PGM3: variants seen among roughly 807,000 people sequenced by gnomAD.
PGM3 encodes the protein phosphoglucomutase 3, also known as phosphoacetylglucosamine mutase.
In PGM3, 40 loss-of-function variants were observed where a neutral mutation model predicts 66.2. The observed-to-expected ratio is 0.60, with a 90% CI of 0.47 to 0.79. The LOEUF is 0.79. PGM3 is among the 30% of genes least tolerant of loss of function. The pLI, the probability that PGM3 is intolerant of heterozygous loss-of-function variation, is 0.00. For missense variants in PGM3, 537 were observed against 643.4 expected, an observed-to-expected ratio of 0.83 and a Z score of 1.79; for synonymous variants, 191 against 224.2, an observed-to-expected ratio of 0.85 and a Z score of 1.32.
the PGM3 span, among the ~76,000 whole-genome samples, chr6:83,152,538 A>C: frequency 6.6e-6 from 1 of 151,798 alleles, no homozygotes; most frequent in African/African-American, 2.4e-5. Flanking sequence ...TGGATTATTT[A>C]GTTTGCCAAA....
chr6:83,169,396 T>C, intron 12 of PGM3, 73 bp from the exon 13 acceptor site: 1 of 1,560,618 alleles, frequency 6.4e-7, no homozygotes, highest in Non-Finnish European at 8.7e-7. Flanking sequence ...ACCATGTTAC[T>C]TGGAACTCTG....
chr6:83,154,284 G>GTAA, the PGM3 span: 2 of 1,551,122 alleles, frequency 1.3e-6, no homozygotes, highest in Non-Finnish European at 1.8e-6. Flanking sequence ...TCCTGTACAT[G>GTAA]GTTCCTTCTT....
At chr6:83,188,150 G>C (rs921257338) in intron 3 of PGM3, among the ~76,000 whole-genome samples, 1 of 152,112 alleles carries the variant, frequency 6.6e-6, no homozygotes, top group African/African-American at 2.4e-5. Flanking sequence ...AAAGGCAAAA[G>C]CTGCAAAACA....
downstream of PGM3, chr6:83,158,467 C>A: frequency 1.1e-6 from 1 of 926,232 alleles, no homozygotes; most frequent in Non-Finnish European, 1.7e-6. Flanking sequence ...AAAATGTATT[C>A]TAAAATTTGT....
At chr6:83,185,366 G>A (rs2128501900) in intron 4 of PGM3, among the ~76,000 whole-genome samples, 1 of 152,356 alleles carries the variant, frequency 6.6e-6, no homozygotes, top group East Asian at 1.9e-4. Flanking sequence ...GACATGTCAT[G>A]ACACATAATG....
Position 83,166,067 on chromosome 6 carries a change from C to A in PGM3, c.*3167G>T. ...TTGTCGTATAAAATCCACCTTTTGG[C>A]ACACATCACAATCCGATAGAGAAAT... On this transcript the variant is annotated 3_prime_UTR_variant, in exon 13 of 13. Coordinates refer to ENST00000513973, the MANE Select transcript of PGM3 (RefSeq NM_015599.3). 3.2e-6 allele frequency: 1 copy of A among 311,838 alleles called. No homozygotes were observed. The highest frequency in any genetic ancestry group is 5.9e-6 in the Non-Finnish European group (1 of 168,804). The allele number at this position is 311,838 out of a possible 1,614,324, so 19.3% of individuals were successfully genotyped here.
rs182002814 is a variant in PGM3 at position 83,176,265 on chromosome 6, C to T, written c.1030-205G>A. On this transcript the variant is annotated intron_variant, in intron 8 of 12. Transcript: ENST00000513973. ...GAAGCACGCAGCCAAGGGTAAAGCACGGTGAGAGAGATGAGGGTCTCCTTA... is the reference window on the plus strand; with the variant it reads ...GAAGCACGCAGCCAAGGGTAAAGCATGGTGAGAGAGATGAGGGTCTCCTTA... The T allele has an allele frequency of 1.5e-4, 70 of 459,900 alleles. No homozygotes were observed. The East Asian group carries it at 1.6e-3, about 10-fold the overall frequency. The allele number at this position is 459,900 out of a possible 1,614,324, so 28.5% of individuals were successfully genotyped here. A position where few individuals can be genotyped will look rare whatever the true frequency, so the allele number is the denominator to read the frequency against.
intron 3 of PGM3, among the ~76,000 whole-genome samples, chr6:83,187,652 A>C (rs2128505113): frequency 6.6e-6 from 1 of 152,236 alleles, no homozygotes; most frequent in East Asian, 1.9e-4. Flanking sequence ...AAAAATACAA[A>C]AATTAGCTGG....
chr6:83,167,995 G>A lies in PGM3; in HGVS notation c.*1239C>T. On this transcript the variant is annotated 3_prime_UTR_variant, in exon 13 of 13. Coordinates refer to ENST00000513973, the MANE Select transcript of PGM3 (RefSeq NM_015599.3). ...AATGTGCTCAGTCAAGTCTTCAACAGCAAAGTCACAAGCCGATGTGGAGGA... is the reference window on the plus strand; with the variant it reads ...AATGTGCTCAGTCAAGTCTTCAACAACAAAGTCACAAGCCGATGTGGAGGA... 1 of 1,614,154 alleles carries A rather than the reference G, an allele frequency of 6.2e-7. No homozygotes were observed. The highest frequency in any genetic ancestry group is 8.5e-7 in the Non-Finnish European group (1 of 1,180,032).
chr6:83,152,223 CACACACACAT>C, the PGM3 span: 1 of 910,682 alleles, frequency 1.1e-6, no homozygotes, highest in Non-Finnish European at 1.7e-6. Flanking sequence ...CACACACACA[CACACACACAT>C]AAAATTTATT....
the PGM3 span, among the ~76,000 whole-genome samples, chr6:83,150,485 T>G: frequency 3.3e-5 from 5 of 152,230 alleles, no homozygotes; most frequent in African/African-American, 1.2e-4. Context: ...AGTTGAAAGT[T>G]GAACATTTTC....
intron 11 of PGM3, chr6:83,170,740 A>ACTAAGTCCC (rs1786910023): frequency 3.1e-6 from 1 of 318,776 alleles, no homozygotes; most frequent in Non-Finnish European, 5.5e-6. Flanking sequence ...ATACGATATG[A>ACTAAGTCCC]CTAAGTCCCA....
chr6:83,191,976 A>C (rs1423796466), intron 1 of PGM3, among the ~76,000 whole-genome samples: 5 of 148,092 alleles, frequency 3.4e-5, no homozygotes, highest in Non-Finnish European at 6.0e-5. Context: ...AAAAAAAAAA[A>C]AAAAAACAGG....
rs1786334146 is a variant in PGM3 at position 83,168,240 on chromosome 6, A to G, written c.*994T>C. 6.7e-7 allele frequency: 1 copy of G among 1,493,454 alleles called. No individual in the cohort carries two copies. The highest frequency in any genetic ancestry group is 2.3e-5 in the Admixed American group (1 of 42,654). The allele number at this position is 1,493,454 out of a possible 1,614,324, so 92.5% of individuals were successfully genotyped here. ...AAACACACACACTGCTCTGCGTTGT[A>G]TAGTTTTTCCTTTTTTGTATGTAAC... On this transcript the variant is annotated 3_prime_UTR_variant, in exon 13 of 13. Coordinates refer to ENST00000513973, the MANE Select transcript of PGM3 (RefSeq NM_015599.3).
At chr6:83,160,673 A>C (rs1187119282), downstream of PGM3, among the ~76,000 whole-genome samples, 1 of 152,210 alleles carries the variant, frequency 6.6e-6, no homozygotes, top group African/African-American at 2.4e-5. Context: ...AAGCATATAT[A>C]AATTTTAAAA....
rs1459162032 is a variant in PGM3 at position 83,165,564 on chromosome 6, C to G, written c.*3670G>C. The G allele has an allele frequency of 5.7e-6, 1 of 175,280 alleles. No individual in the cohort carries two copies. The highest frequency in any genetic ancestry group is 1.2e-5 in the Non-Finnish European group (1 of 81,182). 10.9% of individuals were successfully genotyped at this position (175,280 alleles called of 1,614,324 possible). On this transcript the variant is annotated 3_prime_UTR_variant, in exon 13 of 13. Transcript: ENST00000513973. Reference sequence around the variant, plus strand: ...CCAATGAGAAATAAGTTTGTTTACTCCTGTAGCATAAAAATCCATGCTTCC... The same window carrying G: ...CCAATGAGAAATAAGTTTGTTTACTGCTGTAGCATAAAAATCCATGCTTCC...
chr6:83,191,015 C>G lies in PGM3; in HGVS notation c.-2-1G>C, dbSNP rs1483237450. On this transcript the variant is annotated splice_acceptor_variant, in intron 1 of 12. Transcript: ENST00000513973. LOFTEE classifies it low-confidence loss of function (5UTR_SPLICE). ...TTTGTAATAGCACCTAAATCCATGT[C>G]TACAAAATTAAGAAATATTGTTTCG... 1 of 1,611,504 alleles carries G rather than the reference C, an allele frequency of 6.2e-7. No homozygotes were observed. Among genetic ancestry groups the G allele is most frequent in the Non-Finnish European group, 8.5e-7 (1 of 1,177,758 alleles).
In PGM3 at chr6:83,187,768, C is replaced by T. The variant is rs1788691962; in HGVS notation, c.390-693G>A. 5.9e-5 allele frequency among the ~76,000 whole-genome samples: 9 copies of T among 152,164 alleles called. No individual in the cohort carries two copies. In the South Asian group the frequency reaches 1.9e-3, roughly 32 times the overall value. ...GCAATGAGCCAAGACTGTGCCACTG[C>T]ACTCCAGCCTGGTGACAGAGCGAGA... On this transcript the variant is annotated intron_variant, in intron 3 of 12. Coordinates refer to ENST00000513973, the MANE Select transcript of PGM3 (RefSeq NM_015599.3).
downstream of PGM3, among the ~76,000 whole-genome samples, chr6:83,163,509 G>T (rs1784726202): frequency 1.3e-5 from 2 of 152,120 alleles, no homozygotes; most frequent in African/African-American, 4.8e-5. Context: ...ATAATCATTA[G>T]CATTCATTCT....
Sources: gnomAD v4.1 joint callset for allele counts (sites outside exome capture counted in the v4.1 genomes callset) on GRCh38, gnomAD v4.1.1 for gene constraint, MANE v1.5 for transcripts, NCBI Gene and HGNC (gene_info 2026-07-23, HGNC 2026-07-21) for gene names.